The following VAV3 variants were observed in gnomAD, a reference collection of about 807,000 sequenced individuals.
VAV3 encodes the protein guanine nucleotide exchange factor VAV3.
In VAV3, 94 loss-of-function variants were observed where a neutral mutation model predicts 131.2. The observed-to-expected ratio is 0.72, with a 90% confidence interval of 0.61 to 0.85. The LOEUF is 0.85. VAV3 is among the 40% of genes least tolerant of loss of function. The pLI, the probability that VAV3 is intolerant of heterozygous loss-of-function variation, is 0.00. For synonymous variants in VAV3, 349 were observed against 342.0 expected (o/e 1.02, Z -0.22); for missense variants, 939 against 1,002.7 (o/e 0.94, Z 0.86).
At chr1:107,601,049 G>A (rs3828085) in intron 24 of VAV3, among the ~76,000 whole-genome samples, 54,059 of 151,856 alleles carry the variant, frequency 0.36, 9,966 homozygotes, top group Middle Eastern at 0.42. Flanking sequence ...GCCCCTGTGC[G>A]TGCTTTTATC....
At chr1:107,752,148 T>C (rs541572049) in intron 12 of VAV3, among the ~76,000 whole-genome samples, 9 of 152,320 alleles carry the variant, frequency 5.9e-5, no homozygotes, top group Non-Finnish European at 8.8e-5. Context: ...AACAGGTATA[T>C]AGACCAACAG....
chr1:107,576,595 CA>C (rs1271465610), intron 25 of VAV3: 10 of 813,778 alleles, frequency 1.2e-5, no homozygotes, highest in Non-Finnish European at 1.3e-5. Context: ...AAGAACAAGC[CA>C]AACTTTTACA....
chr1:107,913,104 A>G (rs1672447429), intron 1 of VAV3, among the ~76,000 whole-genome samples: 1 of 152,238 alleles, frequency 6.6e-6, no homozygotes, highest in East Asian at 1.9e-4. Context: ...GAGCACAAAT[A>G]TAAGACTGTC....
intron 1 of VAV3, among the ~76,000 whole-genome samples, chr1:107,895,981 G>A (rs1671551448): frequency 6.6e-6 from 1 of 152,172 alleles, no homozygotes; most frequent in Non-Finnish European, 1.5e-5. Context: ...CACCAGAAAT[G>A]TGGCCCAGCG....
intron 2 of VAV3, among the ~76,000 whole-genome samples, chr1:107,809,367 T>C (rs1000001030): frequency 1.3e-5 from 2 of 152,186 alleles, no homozygotes; most frequent in Admixed American, 1.3e-4. Context: ...GAAGATCACA[T>C]TTCCAGAAAG....
At chr1:107,821,618 G>A (rs1667795911) in intron 2 of VAV3, among the ~76,000 whole-genome samples, 1 of 152,214 alleles carries the variant, frequency 6.6e-6, no homozygotes, top group African/African-American at 2.4e-5. Flanking sequence ...CACGTCCACA[G>A]TAAAATGGAA....
intron 1 of VAV3, among the ~76,000 whole-genome samples, chr1:107,959,754 C>G (rs778469526): frequency 6.6e-6 from 1 of 152,090 alleles, no homozygotes; most frequent in Non-Finnish European, 1.5e-5. Flanking sequence ...AAACTTTATA[C>G]CTACATCTCC....
intron 2 of VAV3, among the ~76,000 whole-genome samples, chr1:107,839,243 T>C (rs1000640071): frequency 1.2e-4 from 19 of 152,206 alleles, no homozygotes; most frequent in African/African-American, 4.3e-4. Context: ...TTCAAGCTTA[T>C]GACCAAATAC....
At chr1:107,741,665 C>A (rs553248504) in intron 15 of VAV3, among the ~76,000 whole-genome samples, 1 of 152,022 alleles carries the variant, frequency 6.6e-6, no homozygotes, top group Non-Finnish European at 1.5e-5. Context: ...CACACAAAAA[C>A]CAAAAAAGCC....
At chr1:107,915,748 G>A (rs1672585412) in intron 1 of VAV3, among the ~76,000 whole-genome samples, 1 of 152,214 alleles carries the variant, frequency 6.6e-6, no homozygotes, top group African/African-American at 2.4e-5. Flanking sequence ...CAGGAATCCA[G>A]TAAGTCTTTG....
intron 17 of VAV3, among the ~76,000 whole-genome samples, chr1:107,703,597 T>C (rs1056067306): frequency 3.9e-5 from 6 of 152,226 alleles, no homozygotes; most frequent in Non-Finnish European, 8.8e-5. Context: ...AGTCGTCTAA[T>C]AGGATTCACC....
At chr1:107,686,318 T>TA (rs1659026885) in intron 18 of VAV3, among the ~76,000 whole-genome samples, 1 of 151,656 alleles carries the variant, frequency 6.6e-6, no homozygotes, top group Admixed American at 6.6e-5. Context: ...AGTGCAAAAT[T>TA]TAAAAAAAAT....
At chr1:107,846,476 G>A (rs1571034892) in intron 2 of VAV3, among the ~76,000 whole-genome samples, 2 of 152,136 alleles carry the variant, frequency 1.3e-5, no homozygotes, top group South Asian at 4.1e-4. Context: ...CTGGCAAATT[G>A]GATAAAGAGT....
chr1:107,935,321 G>A (rs1046100957), intron 1 of VAV3, among the ~76,000 whole-genome samples: 7 of 152,128 alleles, frequency 4.6e-5, no homozygotes, highest in African/African-American at 1.7e-4. Flanking sequence ...GAAAGCCAGA[G>A]TTTACACTGC....
chr1:107,900,606 T>A (rs982408466), intron 1 of VAV3, among the ~76,000 whole-genome samples: 2 of 152,186 alleles, frequency 1.3e-5, no homozygotes, highest in Non-Finnish European at 2.9e-5. Flanking sequence ...TGCAGTCCAT[T>A]TACAGAGGGA....
intron 2 of VAV3, among the ~76,000 whole-genome samples, chr1:107,853,800 G>T (rs1669340849): frequency 6.6e-6 from 1 of 152,122 alleles, no homozygotes; most frequent in African/African-American, 2.4e-5. Flanking sequence ...ATGTCCTTAA[G>T]TAAACCAAGA....
chr1:107,951,671 A>G (rs1674539482), intron 1 of VAV3, among the ~76,000 whole-genome samples: 1 of 152,192 alleles, frequency 6.6e-6, no homozygotes, highest in Non-Finnish European at 1.5e-5. Flanking sequence ...ACATGAGTAG[A>G]CAATTCTCAA....
intron 1 of VAV3, among the ~76,000 whole-genome samples, chr1:107,959,611 C>T (rs1020171357): frequency 5.9e-5 from 9 of 152,304 alleles, no homozygotes; most frequent in African/African-American, 1.9e-4. Flanking sequence ...TTCACAGGTT[C>T]TCCCCATCTC....
At chr1:107,576,496 G>A (rs1649661591) in intron 25 of VAV3, 1 of 1,498,646 alleles carries the variant, frequency 6.7e-7, no homozygotes, top group Non-Finnish European at 8.8e-7. Context: ...GAAAGAAAAA[G>A]AGAGAAGCAA....
Sources: gnomAD v4.1 joint callset for allele counts (sites outside exome capture counted in the v4.1 genomes callset) on GRCh38, gnomAD v4.1.1 for gene constraint, MANE v1.5 for transcripts, NCBI Gene and HGNC (gene_info 2026-07-23, HGNC 2026-07-21) for gene names.